TRMT9B: variants seen among roughly 807,000 people sequenced by gnomAD.
TRMT9B encodes tRNA methyltransferase 9B (putative).
A neutral mutation model predicts 11.5 loss-of-function variants in TRMT9B; 16 were observed. That is an observed-to-expected ratio of 1.39 (90% CI 0.94 to 2.11). The LOEUF (loss-of-function observed/expected upper bound fraction) is 2.11, where lower values mean the gene tolerates loss of function less well. Among genes scored for constraint, TRMT9B ranks in the 30% most tolerant of loss-of-function variants. The pLI is 0.00. For synonymous variants in TRMT9B, 274 were observed against 192.4 expected (o/e 1.42, Z -3.51); for missense variants, 941 against 553.8 (o/e 1.70, Z -7.02).
At chr8:12,969,442 C>A (rs892084082) in intron 1 of TRMT9B, among the ~76,000 whole-genome samples, 4 of 152,082 alleles carry the variant, frequency 2.6e-5, no homozygotes, top group Admixed American at 6.5e-5. Flanking sequence ...CCCCCACACC[C>A]CTGTACTAAA....
chr8:12,947,153 C>A (rs1478643581), intron 1 of TRMT9B, among the ~76,000 whole-genome samples: 1 of 152,154 alleles, frequency 6.6e-6, no homozygotes. Flanking sequence ...TGTGGGGAAT[C>A]CTTTAAAACC....
rs111273467 is a variant in TRMT9B at position 13,001,458 on chromosome 8, T to C, written c.-1-4744T>C. Among the ~76,000 whole-genome samples, 327 of 152,348 alleles carry C rather than the reference T, an allele frequency of 2.1e-3. 2 individuals are homozygous for C. Among genetic ancestry groups the C allele is most frequent in the African/African-American group, 6.7e-3 (277 of 41,578 alleles). On this transcript the variant is annotated intron_variant, in intron 2 of 4. Coordinates refer to ENST00000524591, the MANE Select transcript of TRMT9B (RefSeq NM_020844.3). The stretch of plus-strand genomic sequence containing the variant: ...TACCGTCTCATACTTTTAGTCTTTT[T>C]ATAAACCATCTTAGAAGTTATGATT...
intron 1 of TRMT9B, among the ~76,000 whole-genome samples, chr8:12,947,914 A>C (rs954560828): frequency 4.6e-5 from 7 of 152,228 alleles, no homozygotes; most frequent in South Asian, 2.1e-4. Flanking sequence ...AGAAACAGGC[A>C]GTGAGTAAGG....
At chr8:13,009,076 AG>A (rs34593912) in intron 3 of TRMT9B, among the ~76,000 whole-genome samples, 76,727 of 151,978 alleles carry the variant, frequency 0.5, 20,266 homozygotes, top group African/African-American at 0.66. Flanking sequence ...CTGTAAAAAA[AG>A]GACCAGCATC....
At chr8:12,994,582 G>C (rs758965284) in intron 2 of TRMT9B, among the ~76,000 whole-genome samples, 3 of 152,228 alleles carry the variant, frequency 2.0e-5, no homozygotes, top group Non-Finnish European at 4.4e-5. Flanking sequence ...CTGAAAAGCA[G>C]GCTAAGAGGA....
chr8:13,028,069 G>T lies in TRMT9B; in HGVS notation c.*6025G>T, dbSNP rs548022439. ...ACTGAAGAGAGTTGATCAAAGAGAA[G>T]ATTCTAGCTGAATTGTTCTATTTTT... On this transcript the variant is annotated 3_prime_UTR_variant, in exon 5 of 5. Transcript: ENST00000524591. The T allele has an allele frequency of 1.5e-4, 25 of 167,158 alleles. No homozygotes were observed. The highest frequency in any genetic ancestry group is 6.0e-4 in the African/African-American group (25 of 41,586). The allele number at this position is 167,158 out of a possible 1,614,324, so 10.4% of individuals were successfully genotyped here. A position where few individuals can be genotyped will look rare whatever the true frequency, so the allele number is the denominator to read the frequency against.
chr8:13,011,791 C>G, intron 3 of TRMT9B: 1 of 952,482 alleles, frequency 1.0e-6, no homozygotes, highest in Non-Finnish European at 1.2e-6. Flanking sequence ...ATACTGGACC[C>G]ATAGAGATCA....
intron 1 of TRMT9B, among the ~76,000 whole-genome samples, chr8:12,981,274 C>G (rs1243838719): frequency 3.3e-5 from 5 of 152,096 alleles, no homozygotes; most frequent in Non-Finnish European, 7.3e-5. Flanking sequence ...GTGCAAAGTC[C>G]TCCTCTCGTT....
rs546157287 is a variant in TRMT9B at position 12,949,671 on chromosome 8, A to G, written c.-200+3705A>G. ...TTCTACATGTCTGCTTCAAGCCGTCAGTGAACTTTCAGAAAACAAATGCAA... is the reference window on the plus strand; with the variant it reads ...TTCTACATGTCTGCTTCAAGCCGTCGGTGAACTTTCAGAAAACAAATGCAA... On this transcript the variant is annotated intron_variant, in intron 1 of 4. Transcript: ENST00000524591. 9.1e-4 allele frequency among the ~76,000 whole-genome samples: 138 copies of G among 152,326 alleles called. 2 individuals are homozygous for G. The South Asian group carries it at 0.01, about 11-fold the overall frequency.
chr8:13,011,198 C>A (rs748662068), intron 3 of TRMT9B: 5 of 545,728 alleles, frequency 9.2e-6, no homozygotes, highest in South Asian at 8.0e-5. Flanking sequence ...GTTGGCCAGA[C>A]TGGTCTCGAA....
At chr8:12,999,698 C>G (rs932123359) in intron 2 of TRMT9B, among the ~76,000 whole-genome samples, 8 of 152,002 alleles carry the variant, frequency 5.3e-5, no homozygotes, top group Non-Finnish European at 8.8e-5. Flanking sequence ...AGTTCAGAAT[C>G]TAGTAGAAAT....
chr8:13,010,800 T>A (rs1458830738), intron 3 of TRMT9B: 36 of 983,418 alleles, frequency 3.7e-5, no homozygotes, highest in Non-Finnish European at 4.3e-5. Context: ...CATCGTCTTT[T>A]GAAATACACA....
Position 13,024,421 on chromosome 8 carries a change from A to G in TRMT9B, c.*2377A>G, listed in dbSNP as rs374412478. Reference sequence around the variant, plus strand: ...CTTGGTAAAAAGAAAAGATTCTCAGAGTCAAAATGGTCTTACAACTCGGGC... The same window carrying G: ...CTTGGTAAAAAGAAAAGATTCTCAGGGTCAAAATGGTCTTACAACTCGGGC... On this transcript the variant is annotated 3_prime_UTR_variant, in exon 5 of 5. Transcript: ENST00000524591. 2 of 167,130 alleles carry G rather than the reference A, an allele frequency of 1.2e-5. No homozygotes were observed. Among genetic ancestry groups the G allele is most frequent in the South Asian group, 4.1e-4 (2 of 4,838 alleles). 10.4% of individuals were successfully genotyped at this position (167,130 alleles called of 1,614,324 possible). A position where few individuals can be genotyped will look rare whatever the true frequency, so the allele number is the denominator to read the frequency against.
At chr8:12,950,484 C>A (rs760405661) in intron 1 of TRMT9B, among the ~76,000 whole-genome samples, 3 of 151,708 alleles carry the variant, frequency 2.0e-5, no homozygotes, top group Non-Finnish European at 4.4e-5. Flanking sequence ...TGAGCTGCTG[C>A]ATTTCTGTAG....
chr8:13,017,546 C>T (rs1585403948), intron 4 of TRMT9B, among the ~76,000 whole-genome samples: 1 of 149,564 alleles, frequency 6.7e-6, no homozygotes, highest in Admixed American at 6.7e-5. Flanking sequence ...TACAATGTTT[C>T]TTAATAGAAC....
chr8:12,965,357 A>T (rs1172817863), intron 1 of TRMT9B, among the ~76,000 whole-genome samples: 1 of 152,202 alleles, frequency 6.6e-6, no homozygotes, highest in Admixed American at 6.5e-5. Context: ...AACACAGAGC[A>T]TAGAGATGGT....
At chr8:12,971,670 TG>T (rs1459257336) in intron 1 of TRMT9B, among the ~76,000 whole-genome samples, 1 of 151,810 alleles carries the variant, frequency 6.6e-6, no homozygotes, top group Non-Finnish European at 1.5e-5. Flanking sequence ...AACAAGAAAA[TG>T]GGGGGCAGGG....
chr8:12,966,634 A>G (rs1294416647), intron 1 of TRMT9B, among the ~76,000 whole-genome samples: 1 of 152,198 alleles, frequency 6.6e-6, no homozygotes, highest in African/African-American at 2.4e-5. Flanking sequence ...TTTTTAGTTC[A>G]GTGCCCATTT....
chr8:12,980,143 C>A (rs1805120728), intron 1 of TRMT9B, among the ~76,000 whole-genome samples: 2 of 152,278 alleles, frequency 1.3e-5, no homozygotes, highest in South Asian at 4.2e-4. Flanking sequence ...TATTCTCTTG[C>A]AGCTCAGGAG....
Sources: gnomAD v4.1 joint callset for allele counts (sites outside exome capture counted in the v4.1 genomes callset) on GRCh38, gnomAD v4.1.1 for gene constraint, MANE v1.5 for transcripts, NCBI Gene and HGNC (gene_info 2026-07-23, HGNC 2026-07-21) for gene names.